FANCD2: variants seen among roughly 807,000 people sequenced by gnomAD.
The protein encoded by FANCD2 is FA complementation group D2.
FANCD2 carries 131 observed loss-of-function variants against 192.3 expected under a neutral mutation model. That is an observed-to-expected ratio of 0.68 (90% confidence interval 0.59 to 0.79). The LOEUF is 0.79. Among genes scored for constraint, FANCD2 ranks in the 30% least tolerant of loss-of-function variants. The pLI is 0.00. For synonymous variants in FANCD2, 524 were observed against 612.5 expected (o/e 0.86, Z 2.13); for missense variants, 1,508 against 1,701.6 (o/e 0.89, Z 2.00).
rs752289374 is a variant in FANCD2 at position 10,072,888 on chromosome 3, C to T, written c.2512C>T (p.Pro838Ser). 2 of 1,602,856 alleles carry T rather than the reference C, an allele frequency of 1.2e-6. No homozygotes were observed. The highest frequency in any genetic ancestry group is 8.5e-7 in the Non-Finnish European group (1 of 1,170,738). The change falls in exon 27 of 44, where the codon CCT (proline) becomes TCT (serine). Residue 838 changes from proline (P) to serine (S), a missense_variant. Pro to Ser is a moderately conservative substitution (Grantham distance 74, BLOSUM62 -1). Transcript: ENST00000675286. ...KYLAVTPDYV[P>S]PLGNFDVETL... The stretch of plus-strand genomic sequence containing the variant: ...TGTTTCAGTCACCCCAGACTATGTC[C>T]CTCCTCTTGGAAACTTTGATGTGGA...
chr3:10,063,088 C>T (rs1317414598), intron 20 of FANCD2, among the ~76,000 whole-genome samples: 5 of 152,128 alleles, frequency 3.3e-5, no homozygotes, highest in African/African-American at 1.2e-4. Flanking sequence ...TATGGAATAA[C>T]ACTTTGGTTG....
At chr3:10,063,731 G>A (rs2087632684) in intron 20 of FANCD2, 61 bp from the exon 21 acceptor site, 17 of 1,610,628 alleles carry the variant, frequency 1.1e-5, no homozygotes, top group African/African-American at 2.7e-5. Flanking sequence ...TGAAAGGGGC[G>A]AGTGGAGTTT....
At chr3:10,093,240 A>G (rs750675776) in intron 38 of FANCD2, 45 bp from the exon 39 acceptor site, 2 of 1,537,918 alleles carry the variant, frequency 1.3e-6, no homozygotes, top group Non-Finnish European at 9.0e-7. Flanking sequence ...GGAGTGCTCA[A>G]AGGAGCAGAT....
chr3:10,038,683 C>T (rs975232129), intron 7 of FANCD2, among the ~76,000 whole-genome samples: 16 of 150,082 alleles, frequency 1.1e-4, no homozygotes, highest in Admixed American at 6.0e-4. Context: ...TGGGTTCAAG[C>T]GATTCTCCTG....
Position 10,065,401 on chromosome 3 carries a change from TCTCCGCTGTGCCTGG to T in FANCD2, c.2182_2196del (p.Leu728_Pro732del). On this transcript the variant is annotated inframe_deletion, in exon 24 of 44. Transcript: ENST00000675286. The stretch of plus-strand genomic sequence containing the variant: ...TTTATTTCTCCTTCTCAGATTGGTG[TCTCCGCTGTGCCTGG>T]CTCCGTATTTCCGGTTACTGAGACT... 6.2e-7 allele frequency: 1 copy of T among 1,611,958 alleles called. No homozygotes were observed. Among genetic ancestry groups the T allele is most frequent in the Non-Finnish European group, 8.5e-7 (1 of 1,178,004 alleles).
chr3:10,086,661 T>C (rs1305675031), intron 33 of FANCD2, among the ~76,000 whole-genome samples: 3 of 152,124 alleles, frequency 2.0e-5, no homozygotes, highest in African/African-American at 7.2e-5. Flanking sequence ...TTTATATTTT[T>C]GTAGAGATGT....
At chr3:10,070,319 C>T (rs377610730) in intron 26 of FANCD2, among the ~76,000 whole-genome samples, 4 of 149,128 alleles carry the variant, frequency 2.7e-5, no homozygotes, top group African/African-American at 5.0e-5. Flanking sequence ...CCACCCCGTC[C>T]GGGAGGGAGG....
intron 43 of FANCD2, among the ~76,000 whole-genome samples, chr3:10,100,820 A>T (rs559876484): frequency 6.6e-6 from 1 of 152,322 alleles, no homozygotes; most frequent in Admixed American, 6.5e-5. Context: ...CTGTAATCCT[A>T]GCACTTTGGG....
In FANCD2 at chr3:10,040,097, C is replaced by T. The variant is rs976900564; in HGVS notation, c.695+252C>T. ...TCGCCCAGGCTGGAGTGCAGTGGTGCGATCTCAGCTCACTGCAACCTCCGC... is the reference window on the plus strand; with the variant it reads ...TCGCCCAGGCTGGAGTGCAGTGGTGTGATCTCAGCTCACTGCAACCTCCGC... On this transcript the variant is annotated intron_variant, in intron 9 of 43. Coordinates refer to ENST00000675286, the MANE Select transcript of FANCD2 (RefSeq NM_001018115.3). The T allele has an allele frequency of 8.6e-6, 4 of 463,942 alleles. No homozygotes were observed. The Admixed American group carries it at 1.1e-4, about 13-fold the overall frequency. The allele number at this position is 463,942 out of a possible 1,614,324, so 28.7% of individuals were successfully genotyped here.
Position 10,058,852 on chromosome 3 carries a change from A to G in FANCD2, c.1657-1442A>G, listed in dbSNP as rs180713575. The stretch of plus-strand genomic sequence containing the variant: ...CTTGAAATTCCATGTGAATTTTGGT[A>G]TGGATCTTTCTGTTTCTGCAAAACA... On this transcript the variant is annotated intron_variant, in intron 18 of 43. Transcript: ENST00000675286. Among the ~76,000 whole-genome samples, 215 of 152,194 alleles carry G rather than the reference A, an allele frequency of 1.4e-3. 1 individual carries two copies. The highest frequency in any genetic ancestry group is 4.9e-3 in the African/African-American group (205 of 41,522).
At chr3:10,099,769 A>G (rs1695196099) in intron 43 of FANCD2, 1 of 152,112 alleles carries the variant, frequency 6.6e-6, no homozygotes, top group Non-Finnish European at 1.5e-5. Flanking sequence ...ACAACAACAA[A>G]AAAGTGTACA....
intron 28 of FANCD2, among the ~76,000 whole-genome samples, 189 bp downstream of exon 28, chr3:10,073,551 C>T (rs1384839168): frequency 6.6e-5 from 10 of 152,264 alleles, no homozygotes; most frequent in Non-Finnish European, 1.0e-4. Flanking sequence ...ATTCCTGCCA[C>T]ACACTGTTGA....
chr3:10,063,690 C>A (rs189988503), intron 20 of FANCD2, 102 bp from the exon 21 acceptor site: 73 of 1,471,508 alleles, frequency 5.0e-5, no homozygotes, highest in Middle Eastern at 2.4e-4. Flanking sequence ...TAGAGCTTTG[C>A]CAGTAAAATC....
chr3:10,026,686 C>A (rs1217730021), intron 1 of FANCD2: 2 of 152,388 alleles, frequency 1.3e-5, no homozygotes, highest in African/African-American at 4.8e-5. Flanking sequence ...CACCCGCTTC[C>A]CGATGAACTA....
intron 26 of FANCD2, among the ~76,000 whole-genome samples, chr3:10,069,482 T>TC (rs1221877221): frequency 2.3e-5 from 1 of 43,050 alleles, no homozygotes; most frequent in East Asian, 6.3e-4. Flanking sequence ...CCCCTCCCCC[T>TC]CCCCCTCTCC....
chr3:10,083,878 A>G (rs539582793), intron 32 of FANCD2, among the ~76,000 whole-genome samples: 1 of 121,244 alleles, frequency 8.2e-6, no homozygotes, highest in East Asian at 2.4e-4. Context: ...ACAGAGCAAG[A>G]CTCCGTCTCA....
intron 32 of FANCD2, among the ~76,000 whole-genome samples, chr3:10,085,598 G>A (rs1694143764): frequency 6.6e-6 from 1 of 151,842 alleles, no homozygotes; most frequent in African/African-American, 2.4e-5. Flanking sequence ...CACCGTGTTG[G>A]CCAAGATGGT....
intron 4 of FANCD2, 66 bp downstream of exon 4, chr3:10,034,602 C>A (rs2124974901): frequency 1.3e-6 from 2 of 1,500,320 alleles, no homozygotes; most frequent in Non-Finnish European, 1.9e-6. Flanking sequence ...AATTTAAGGA[C>A]ACTGGTATAA....
intron 39 of FANCD2, among the ~76,000 whole-genome samples, chr3:10,093,848 C>A (rs1694797971): frequency 6.6e-6 from 1 of 152,194 alleles, no homozygotes; most frequent in Non-Finnish European, 1.5e-5. Context: ...ATCTCCTGGT[C>A]ACTCTCCCTT....
Sources: gnomAD v4.1 joint callset for allele counts (sites outside exome capture counted in the v4.1 genomes callset) on GRCh38, gnomAD v4.1.1 for gene constraint, MANE v1.5 for transcripts, NCBI Gene and HGNC (gene_info 2026-07-23, HGNC 2026-07-21) for gene names.